QTGAL: variants seen among roughly 807,000 people sequenced by gnomAD.
The protein encoded by QTGAL is BGnT-like protein 1.
At chr17:83,005,898 G>C in the QTGAL span, 1 of 1,362,092 alleles carries the variant, frequency 7.3e-7, no homozygotes, top group Non-Finnish European at 9.4e-7. The surrounding 1 kb of genome is among the most constrained non-coding windows in gnomAD (Gnocchi z 5.6). Context: ...GCCCCGGAGT[G>C]GGCTCCCAGC....
the QTGAL span, among the ~76,000 whole-genome samples, chr17:82,962,252 CA>C: frequency 1.3e-5 from 2 of 151,754 alleles, no homozygotes; most frequent in African/African-American, 2.4e-5. Flanking sequence ...GTTCCACGTC[CA>C]AAAAAAAGGC....
At chr17:83,028,605 A>C in the QTGAL span, among the ~76,000 whole-genome samples, 15 of 152,184 alleles carry the variant, frequency 9.9e-5, no homozygotes, top group African/African-American at 3.6e-4. Flanking sequence ...AGTGAGACAC[A>C]CATCAGAGCT....
chr17:83,045,021 A>T, the QTGAL span, among the ~76,000 whole-genome samples: 6 of 152,230 alleles, frequency 3.9e-5, no homozygotes, highest in Non-Finnish European at 7.3e-5. Flanking sequence ...ATATGATCTT[A>T]AATACAGGAA....
chr17:83,032,163 C>T, the QTGAL span, among the ~76,000 whole-genome samples: 2 of 135,892 alleles, frequency 1.5e-5, no homozygotes. Context: ...AGGCCTCCGA[C>T]GCAGACCGAA....
chr17:82,966,673 AAC>A, the QTGAL span, among the ~76,000 whole-genome samples: 1 of 152,150 alleles, frequency 6.6e-6, no homozygotes, highest in Non-Finnish European at 1.5e-5. Flanking sequence ...TCAGGCTCCA[AAC>A]ACAAAGCCCC....
the QTGAL span, among the ~76,000 whole-genome samples, chr17:82,958,989 T>G: frequency 1.6e-5 from 1 of 63,530 alleles, no homozygotes; most frequent in Admixed American, 1.8e-4. Context: ...GGGTGTATGG[T>G]GTGTGTGTGT....
chr17:82,970,672 C>G, the QTGAL span, among the ~76,000 whole-genome samples: 1 of 65,102 alleles, frequency 1.5e-5, no homozygotes, highest in African/African-American at 5.2e-5. Flanking sequence ...CCGCACCCAG[C>G]GTGGCCGTGA....
chr17:82,994,374 T>C, the QTGAL span, among the ~76,000 whole-genome samples: 1 of 151,708 alleles, frequency 6.6e-6, no homozygotes, highest in Admixed American at 6.6e-5. Flanking sequence ...TATACACCAA[T>C]AAATTGGAAA....
chr17:83,051,724 C>G, the QTGAL span: 2 of 1,488,116 alleles, frequency 1.3e-6, no homozygotes, highest in Admixed American at 2.2e-5. Flanking sequence ...GCACCCTCCC[C>G]GCTGGCACCT....
the QTGAL span, among the ~76,000 whole-genome samples, chr17:82,968,934 G>A: frequency 1.3e-5 from 2 of 152,004 alleles, no homozygotes; most frequent in South Asian, 4.2e-4. Flanking sequence ...AGAAGTTTGA[G>A]ACCAGCCTGG....
chr17:83,039,222 G>C, the QTGAL span, among the ~76,000 whole-genome samples: 8 of 148,602 alleles, frequency 5.4e-5, 1 homozygote, highest in African/African-American at 2.0e-4. Context: ...CCCGCCGCCC[G>C]CCCCTGTTCT....
the QTGAL span, among the ~76,000 whole-genome samples, chr17:82,996,529 A>AT: frequency 5.1e-4 from 77 of 151,916 alleles, no homozygotes; most frequent in African/African-American, 1.7e-3. Context: ...CTCAAAAAAA[A>AT]AAAAAAAAAT....
chr17:83,034,937 A>C, the QTGAL span: 1 of 1,026,036 alleles, frequency 9.7e-7, no homozygotes, highest in Non-Finnish European at 1.5e-6. Flanking sequence ...AACCATTAGA[A>C]AAATGATTTT....
At chr17:82,956,598 T>A in the QTGAL span, 1 of 1,337,216 alleles carries the variant, frequency 7.5e-7, no homozygotes, top group South Asian at 1.5e-5. The surrounding 1 kb of genome is among the most constrained non-coding windows in gnomAD (Gnocchi z 5.7). Context: ...TGGGGTCTCA[T>A]CCCAGGCCAC....
the QTGAL span, among the ~76,000 whole-genome samples, chr17:82,973,437 C>G: frequency 1.3e-5 from 2 of 152,150 alleles, no homozygotes; most frequent in Non-Finnish European, 2.9e-5. Context: ...TCATATAGAC[C>G]AGGCCGGTTT....
chr17:82,945,075 A>G, the QTGAL span: 1 of 152,336 alleles, frequency 6.6e-6, no homozygotes, highest in South Asian at 2.1e-4. Flanking sequence ...CTCTGGTAGA[A>G]TGTAGGCTAT....
At chr17:82,989,022 G>A in the QTGAL span, among the ~76,000 whole-genome samples, 1,849 of 152,242 alleles carry the variant, frequency 0.012, 43 homozygotes, top group African/African-American at 0.042. Flanking sequence ...AAGGAATACA[G>A]ATCATTCTAT....
chr17:83,026,031 A>G, the QTGAL span, among the ~76,000 whole-genome samples: 4 of 152,350 alleles, frequency 2.6e-5, no homozygotes, highest in Middle Eastern at 3.4e-3. Flanking sequence ...AAGGGGAAAG[A>G]GAAATGAGCA....
At chr17:82,997,737 G>A in the QTGAL span, among the ~76,000 whole-genome samples, 4 of 152,000 alleles carry the variant, frequency 2.6e-5, no homozygotes, top group Non-Finnish European at 5.9e-5. Context: ...ACGGCACTGG[G>A]GGGTCATTAT....
Sources: gnomAD v4.1 joint callset for allele counts (sites outside exome capture counted in the v4.1 genomes callset) on GRCh38, gnomAD v4.1.1 for gene constraint, Gnocchi (gnomAD v3.1) non-coding constraint, MANE v1.5 for transcripts, NCBI Gene and HGNC (gene_info 2026-07-23, HGNC 2026-07-21) for gene names.